The following RAB31 variants were observed in gnomAD, a reference collection of about 807,000 sequenced individuals.
RAB31 encodes RAB31, member RAS oncogene family.
In RAB31, 21 loss-of-function variants were observed where a neutral mutation model predicts 25.6. That is an observed-to-expected ratio of 0.82 (90% CI 0.58 to 1.18). RAB31 has a LOEUF of 1.18. RAB31 is among the 50% of genes most tolerant of loss of function. RAB31 has a pLI of 0.00. For synonymous variants in RAB31, 87 were observed against 84.0 expected, an observed-to-expected ratio of 1.04 and a Z score of -0.20; for missense variants, 196 against 250.1, an observed-to-expected ratio of 0.78 and a Z score of 1.46.
chr18:9,840,045 G>T (rs1414960949), intron 5 of RAB31, among the ~76,000 whole-genome samples: 1 of 152,184 alleles, frequency 6.6e-6, no homozygotes, highest in Non-Finnish European at 1.5e-5. Context: ...CTGCTGCTTT[G>T]GGATGGGGGT....
At chr18:9,773,224 C>T (rs1314709075) in intron 1 of RAB31, among the ~76,000 whole-genome samples, 1 of 152,180 alleles carries the variant, frequency 6.6e-6, no homozygotes, top group East Asian at 1.9e-4. Context: ...AAACACAGGG[C>T]TGAGAAGGAG....
intron 3 of RAB31, among the ~76,000 whole-genome samples, chr18:9,793,584 C>T (rs1365510221): frequency 6.6e-6 from 1 of 151,898 alleles, no homozygotes; most frequent in Non-Finnish European, 1.5e-5. Flanking sequence ...ATGGCGTGAA[C>T]CCAGGAGGCG....
At chr18:9,784,772 C>T (rs375978193) in intron 2 of RAB31, among the ~76,000 whole-genome samples, 3 of 151,288 alleles carry the variant, frequency 2.0e-5, no homozygotes, top group Non-Finnish European at 4.4e-5. Flanking sequence ...AGGCTGGTTT[C>T]GAACTCCTGA....
chr18:9,840,649 A>C (rs2068728846), intron 5 of RAB31, among the ~76,000 whole-genome samples: 1 of 152,200 alleles, frequency 6.6e-6, no homozygotes, highest in Non-Finnish European at 1.5e-5. Context: ...CCTACTATTC[A>C]GTTCAATTCA....
intron 5 of RAB31, among the ~76,000 whole-genome samples, chr18:9,820,403 TA>T (rs1202837647): frequency 6.6e-6 from 1 of 152,108 alleles, no homozygotes; most frequent in Admixed American, 6.5e-5. Context: ...TTTAGTTTGC[TA>T]GTGTTTTGTT....
rs141581931 is a variant in RAB31, at chr18:9,761,540, C to T, written c.40-13738C>T. 1.5e-4 allele frequency among the ~76,000 whole-genome samples: 23 copies of T among 152,276 alleles called. 1 individual carries two copies. The Middle Eastern group carries it at 0.014, about 90-fold the overall frequency. ...AATTGGGCATGGCTTAGTAGGTCCT[C>T]GGGCTGGGGGATCTCTTACAACACT... On this transcript the variant is annotated intron_variant, in intron 1 of 6. Coordinates refer to ENST00000578921, the MANE Select transcript of RAB31 (RefSeq NM_006868.4).
chr18:9,732,839 G>A (rs1157694936), intron 1 of RAB31, among the ~76,000 whole-genome samples: 1 of 152,204 alleles, frequency 6.6e-6, no homozygotes, highest in Non-Finnish European at 1.5e-5. Flanking sequence ...TGGGTGCTGA[G>A]TGTATTGTGA....
chr18:9,833,477 G>T (rs1296466402), intron 5 of RAB31, among the ~76,000 whole-genome samples: 1 of 152,206 alleles, frequency 6.6e-6, no homozygotes, highest in African/African-American at 2.4e-5. Context: ...CAGAGCCTCA[G>T]CAGAACATCA....
intron 1 of RAB31, among the ~76,000 whole-genome samples, chr18:9,761,974 T>C (rs1396451743): frequency 6.6e-6 from 1 of 152,080 alleles, no homozygotes; most frequent in South Asian, 2.1e-4. Context: ...GCCTGGCTAA[T>C]TTTTAATATT....
chr18:9,785,405 G>A (rs1384503748), intron 2 of RAB31, among the ~76,000 whole-genome samples: 1 of 152,144 alleles, frequency 6.6e-6, no homozygotes, highest in East Asian at 1.9e-4. Flanking sequence ...AGAAACACAT[G>A]CAAAGATCTT....
intron 1 of RAB31, among the ~76,000 whole-genome samples, chr18:9,765,453 G>A (rs571524973): frequency 6.6e-6 from 1 of 152,254 alleles, no homozygotes; most frequent in East Asian, 1.9e-4. Flanking sequence ...TAGAATGGGT[G>A]GTAATAACAA....
intron 1 of RAB31, among the ~76,000 whole-genome samples, chr18:9,770,599 G>A (rs751948739): frequency 7.9e-5 from 12 of 152,128 alleles, no homozygotes; most frequent in Non-Finnish European, 1.6e-4. Context: ...CTCTGATATC[G>A]ACTATACAAA....
At chr18:9,773,834 T>C (rs1216697318) in intron 1 of RAB31, among the ~76,000 whole-genome samples, 1 of 152,026 alleles carries the variant, frequency 6.6e-6, no homozygotes, top group East Asian at 1.9e-4. Context: ...AATTTTTACA[T>C]TTTTTTGTAG....
intron 1 of RAB31, among the ~76,000 whole-genome samples, chr18:9,709,937 A>G (rs2068007945): frequency 6.6e-6 from 1 of 152,236 alleles, no homozygotes; most frequent in Non-Finnish European, 1.5e-5. Flanking sequence ...GTCGTGTTCC[A>G]AGGAATGAAG....
intron 3 of RAB31, among the ~76,000 whole-genome samples, chr18:9,799,302 T>C (rs1053776279): frequency 1.3e-5 from 2 of 152,250 alleles, no homozygotes; most frequent in African/African-American, 4.8e-5. Context: ...TATTTATTTG[T>C]GGAATGATTG....
chr18:9,821,512 A>T (rs1380223683), intron 5 of RAB31, among the ~76,000 whole-genome samples: 1 of 152,098 alleles, frequency 6.6e-6, no homozygotes, highest in Non-Finnish European at 1.5e-5. Flanking sequence ...AAATGTTAAA[A>T]AAGTTGATTT....
chr18:9,720,166 G>A (rs1348643950), intron 1 of RAB31, among the ~76,000 whole-genome samples: 1 of 152,180 alleles, frequency 6.6e-6, no homozygotes, highest in African/African-American at 2.4e-5. Flanking sequence ...GTTTCGCCAT[G>A]TTGGCCAGGC....
At chr18:9,721,387 G>T (rs1289254477) in intron 1 of RAB31, among the ~76,000 whole-genome samples, 1 of 152,136 alleles carries the variant, frequency 6.6e-6, no homozygotes, top group Non-Finnish European at 1.5e-5. Context: ...GCCAAGGCAG[G>T]CAGATCACTT....
At chr18:9,846,189 G>A (rs1458064909) in intron 6 of RAB31, among the ~76,000 whole-genome samples, 1 of 152,198 alleles carries the variant, frequency 6.6e-6, no homozygotes, top group African/African-American at 2.4e-5. Context: ...TACCCCATGT[G>A]TCTGGTGAGC....
Sources: gnomAD v4.1 joint callset for allele counts (sites outside exome capture counted in the v4.1 genomes callset) on GRCh38, gnomAD v4.1.1 for gene constraint, MANE v1.5 for transcripts, NCBI Gene and HGNC (gene_info 2026-07-23, HGNC 2026-07-21) for gene names.